The following MALRD1 variants were observed in gnomAD, a reference collection of about 807,000 sequenced individuals.
The protein encoded by MALRD1 is MAM and LDL receptor class A domain containing 1.
In MALRD1, 247 loss-of-function variants were observed where a neutral mutation model predicts 242.1. That is an observed-to-expected ratio of 1.02 (90% CI 0.92 to 1.13). The LOEUF (loss-of-function observed/expected upper bound fraction) is 1.13, where lower values mean the gene tolerates loss of function less well. MALRD1 is among the 50% of genes most tolerant of loss of function. The pLI is 0.00. For synonymous variants in MALRD1, 995 were observed against 866.6 expected (o/e 1.15, Z -2.60); for missense variants, 2,989 against 2,533.1 (o/e 1.18, Z -3.86).
At chr10:19,099,332 C>G (rs960534189) in intron 4 of MALRD1, among the ~76,000 whole-genome samples, 6 of 152,198 alleles carry the variant, frequency 3.9e-5, no homozygotes, top group Non-Finnish European at 8.8e-5. Flanking sequence ...TTCTTTCTAG[C>G]TCCTGTATCA....
At chr10:19,423,431 A>G (rs1489750224) in intron 28 of MALRD1, among the ~76,000 whole-genome samples, 1 of 152,068 alleles carries the variant, frequency 6.6e-6, no homozygotes, top group Non-Finnish European at 1.5e-5. Context: ...TAGGTAGATT[A>G]ATCTGGTACA....
chr10:19,126,461 A>C (rs1157888521), intron 7 of MALRD1, among the ~76,000 whole-genome samples: 1 of 152,064 alleles, frequency 6.6e-6, no homozygotes, highest in South Asian at 2.1e-4. Flanking sequence ...TCTCTTTGAC[A>C]CTATGGCCAG....
intron 38 of MALRD1, among the ~76,000 whole-genome samples, chr10:19,725,560 C>G (rs948334038): frequency 6.6e-6 from 1 of 152,152 alleles, no homozygotes; most frequent in African/African-American, 2.4e-5. Context: ...AAGGCAATCT[C>G]TATCGAAAAT....
intron 25 of MALRD1, among the ~76,000 whole-genome samples, chr10:19,350,691 C>T (rs1196923616): frequency 6.6e-6 from 1 of 152,170 alleles, no homozygotes; most frequent in African/African-American, 2.4e-5. Flanking sequence ...AACCTGATGG[C>T]ATCATTCAGC....
At chr10:19,269,449 G>A (rs868579018) in intron 19 of MALRD1, among the ~76,000 whole-genome samples, 7 of 152,230 alleles carry the variant, frequency 4.6e-5, no homozygotes, top group African/African-American at 1.7e-4. Flanking sequence ...CTAAGTATTT[G>A]CAAAGTTAAA....
At chr10:19,692,751 G>A (rs1240238739) in intron 38 of MALRD1, among the ~76,000 whole-genome samples, 197 bp downstream of exon 38, 2 of 149,402 alleles carry the variant, frequency 1.3e-5, no homozygotes, top group African/African-American at 4.9e-5. Flanking sequence ...TTAGTATAAA[G>A]CCTGAAGTTT....
At chr10:19,065,491 T>C (rs1421583261) in intron 1 of MALRD1, among the ~76,000 whole-genome samples, 3 of 152,094 alleles carry the variant, frequency 2.0e-5, no homozygotes, top group Non-Finnish European at 2.9e-5. Context: ...TGCTGGTTTC[T>C]GCCGGCTTCT....
intron 36 of MALRD1, among the ~76,000 whole-genome samples, chr10:19,677,415 G>A (rs1842180285): frequency 6.6e-6 from 1 of 152,164 alleles, no homozygotes; most frequent in African/African-American, 2.4e-5. Flanking sequence ...AATGATCAGT[G>A]ATGTTGAGCT....
chr10:19,287,609 A>G (rs541960369), intron 21 of MALRD1, among the ~76,000 whole-genome samples: 6 of 152,094 alleles, frequency 3.9e-5, no homozygotes, highest in South Asian at 2.1e-4. Flanking sequence ...TGCAAAATCA[A>G]TTTGCATTCC....
chr10:19,558,883 A>G (rs1193774672), intron 32 of MALRD1, among the ~76,000 whole-genome samples: 1 of 152,074 alleles, frequency 6.6e-6, no homozygotes, highest in Non-Finnish European at 1.5e-5. Flanking sequence ...TATGGTATAT[A>G]TTGTTAATAA....
rs1375060091 is a variant in MALRD1 at position 19,063,151 on chromosome 10, C to CA, written c.200-3559dup. Among the ~76,000 whole-genome samples, 24 of 150,062 alleles carry CA rather than the reference C, an allele frequency of 1.6e-4. 1 individual carries two copies. The South Asian group carries it at 3.0e-3, about 18-fold the overall frequency. On this transcript the variant is annotated intron_variant, in intron 1 of 39. Transcript: ENST00000454679. ...ACAGAGCAAGACCCTGTCCCCCCCCCAAAAAAAAAGTTTATGTAATGTATA... is the reference window on the plus strand; with the variant it reads ...ACAGAGCAAGACCCTGTCCCCCCCCCAAAAAAAAAAGTTTATGTAATGTATA...
intron 18 of MALRD1, among the ~76,000 whole-genome samples, chr10:19,220,314 C>A (rs765047357): frequency 1.2e-3 from 180 of 152,166 alleles, no homozygotes; most frequent in Non-Finnish European, 5.0e-4. Context: ...GAGCCAGGCT[C>A]AACTTGTAGA....
At chr10:19,483,489 G>C (rs1837105985) in intron 29 of MALRD1, among the ~76,000 whole-genome samples, 1 of 152,070 alleles carries the variant, frequency 6.6e-6, no homozygotes, top group Non-Finnish European at 1.5e-5. Context: ...CAAAGGACGT[G>C]AACAGACACT....
At chr10:19,311,363 A>G (rs1429907243) in intron 21 of MALRD1, among the ~76,000 whole-genome samples, 3 of 151,358 alleles carry the variant, frequency 2.0e-5, no homozygotes, top group Non-Finnish European at 4.4e-5. Context: ...TTAAAATTAC[A>G]TTTTCTCATA....
chr10:19,239,335 TA>T (rs2131738962), intron 18 of MALRD1, among the ~76,000 whole-genome samples: 1 of 152,270 alleles, frequency 6.6e-6, no homozygotes, highest in East Asian at 1.9e-4. Flanking sequence ...TGCCCATTTT[TA>T]AATAAGTTAT....
rs535980430 is a variant in MALRD1 at position 19,287,086 on chromosome 10, G to A, written c.3419+3905G>A. ...CCTCTTTCATCTTTATGTACCACAT[G>A]TAACAAATTTTTATCACAGTGACTG... is the stretch of plus-strand genomic sequence containing the variant. On this transcript the variant is annotated intron_variant, in intron 21 of 39. Coordinates refer to ENST00000454679, the MANE Select transcript of MALRD1 (RefSeq NM_001142308.3). 1.4e-4 allele frequency among the ~76,000 whole-genome samples: 21 copies of A among 152,162 alleles called. No individual in the cohort carries two copies. The East Asian group carries it at 4.1e-3, about 29-fold the overall frequency.
intron 32 of MALRD1, among the ~76,000 whole-genome samples, chr10:19,551,915 G>A (rs937768336): frequency 5.3e-5 from 8 of 152,008 alleles, no homozygotes; most frequent in Non-Finnish European, 1.2e-4. Flanking sequence ...TATGTTGAAC[G>A]AACCTTGCAT....
chr10:19,120,525 C>A (rs1176228167), intron 5 of MALRD1, among the ~76,000 whole-genome samples: 4 of 152,040 alleles, frequency 2.6e-5, no homozygotes, highest in Non-Finnish European at 5.9e-5. Context: ...TGAAAGGAAC[C>A]AAGCACAAAG....
In MALRD1 at chr10:19,650,632, T is replaced by C. The variant is rs796243692; in HGVS notation, c.6137+34709T>C. The stretch of plus-strand genomic sequence containing the variant: ...GAGGTGGGGAAATGGAATTATATTG[T>C]TGTGAATTTATTACATTTGTAAAGT... On this transcript the variant is annotated intron_variant, in intron 36 of 39. Transcript: ENST00000454679. Among the ~76,000 whole-genome samples, 34 of 152,226 alleles carry C rather than the reference T, an allele frequency of 2.2e-4. 1 individual carries two copies. The highest frequency in any genetic ancestry group is 7.5e-4 in the African/African-American group (31 of 41,550).
Sources: allele counts gnomAD v4.1 joint callset (sites outside exome capture counted in the v4.1 genomes callset), GRCh38; gene constraint gnomAD v4.1.1; transcripts MANE v1.5; gene names NCBI Gene and HGNC (gene_info 2026-07-23, HGNC 2026-07-21).